Variants in PDE4D observed in about 807,000 individuals in gnomAD.
PDE4D encodes the protein phosphodiesterase 4D.
PDE4D carries 24 observed loss-of-function variants against 87.4 expected under a neutral mutation model. The observed-to-expected ratio is 0.27, with a 90% CI of 0.20 to 0.39. The LOEUF is 0.39. Ranked by LOEUF, PDE4D falls within the 10% of genes least tolerant of loss-of-function variation. The probability of loss-of-function intolerance (pLI) is 1.00; values close to 1 mark genes in which losing one functional copy is unlikely to be tolerated. For synonymous variants in PDE4D, 384 were observed against 383.2 expected (o/e 1.00, Z -0.02); for missense variants, 714 against 1,041.0 (o/e 0.69, Z 4.32).
chr5:59,969,785 G>A (rs1760494269), intron 3 of PDE4D, among the ~76,000 whole-genome samples: 1 of 152,150 alleles, frequency 6.6e-6, no homozygotes, highest in Admixed American at 6.6e-5. Flanking sequence ...ACGTGAAGAA[G>A]GGTTTGCTTC....
intron 1 of PDE4D, among the ~76,000 whole-genome samples, chr5:59,751,932 T>C (rs1760542555): frequency 6.6e-6 from 1 of 152,062 alleles, no homozygotes; most frequent in African/African-American, 2.4e-5. Flanking sequence ...GAATATTCAA[T>C]GAGATCATCT....
chr5:60,059,251 T>A (rs1161669254), intron 2 of PDE4D, among the ~76,000 whole-genome samples: 1 of 151,958 alleles, frequency 6.6e-6, no homozygotes, highest in African/African-American at 2.4e-5. Flanking sequence ...CACTTCCCAG[T>A]TTCTTGCATT....
intron 1 of PDE4D, among the ~76,000 whole-genome samples, chr5:59,657,463 A>G (rs1298285277): frequency 1.3e-5 from 2 of 152,160 alleles, no homozygotes; most frequent in Non-Finnish European, 2.9e-5. Flanking sequence ...AAATGAATCT[A>G]AATCACTGAA....
intron 5 of PDE4D, among the ~76,000 whole-genome samples, chr5:59,112,971 T>G (rs1236362668): frequency 6.6e-6 from 1 of 152,062 alleles, no homozygotes; most frequent in East Asian, 1.9e-4. Context: ...TGGCTAATTT[T>G]TGTATTTTTA....
chr5:59,076,852 T>A (rs1765751396), intron 5 of PDE4D, among the ~76,000 whole-genome samples: 1 of 152,174 alleles, frequency 6.6e-6, no homozygotes, highest in Non-Finnish European at 1.5e-5. Flanking sequence ...TTCTCACTGC[T>A]ACATGGTCTT....
intron 5 of PDE4D, among the ~76,000 whole-genome samples, chr5:59,141,778 G>A (rs554198697): frequency 1.4e-4 from 22 of 152,318 alleles, no homozygotes; most frequent in Non-Finnish European, 2.5e-4. Flanking sequence ...GGTCAGACCC[G>A]TAACCCATTC....
rs374664418 is a variant in PDE4D, at chr5:59,282,502, G to A, written c.456-66534C>T. Among the ~76,000 whole-genome samples, 34 of 151,986 alleles carry A rather than the reference G, an allele frequency of 2.2e-4. No individual in the cohort carries two copies. In the South Asian group the frequency reaches 5.4e-3, roughly 24 times the overall value. On this transcript the variant is annotated intron_variant, in intron 1 of 14. Transcript: ENST00000340635. ...CTAAAAAAATACAAAACTTAGCTGG[G>A]TGTGGTGGCGAGCACCTGTAATCCC...
At position 59,651,071 on chromosome 5, in the gene PDE4D, T is replaced by C. The variant is rs1000531715; in HGVS notation, c.455+242097A>G. Among the ~76,000 whole-genome samples, 8 of 151,842 alleles carry C rather than the reference T, an allele frequency of 5.3e-5. No individual in the cohort carries two copies. In the East Asian group the frequency reaches 7.7e-4, roughly 15 times the overall value. Reference sequence around the variant, plus strand: ...GAGATCGAGACCATCCTGGCCAACATAGTGAAACCCCATCTCTACTAAAAA... The same window carrying C: ...GAGATCGAGACCATCCTGGCCAACACAGTGAAACCCCATCTCTACTAAAAA... On this transcript the variant is annotated intron_variant, in intron 1 of 14. Transcript: ENST00000340635.
At chr5:59,661,238 A>G (rs1041887237) in intron 1 of PDE4D, among the ~76,000 whole-genome samples, 2 of 152,100 alleles carry the variant, frequency 1.3e-5, no homozygotes, top group Non-Finnish European at 2.9e-5. Flanking sequence ...GATAAAAGGA[A>G]TTCTGCTCAC....
At chr5:59,318,833 G>A (rs1774200141) in intron 1 of PDE4D, among the ~76,000 whole-genome samples, 1 of 151,898 alleles carries the variant, frequency 6.6e-6, no homozygotes, top group Admixed American at 6.6e-5. Flanking sequence ...TGCACAAGAT[G>A]GCTGCTATGT....
intron 1 of PDE4D, among the ~76,000 whole-genome samples, chr5:59,507,683 AG>A (rs1275783684): frequency 6.7e-6 from 1 of 148,414 alleles, no homozygotes; most frequent in Non-Finnish European, 1.5e-5. Context: ...AAAAAAAAAA[AG>A]AAAAGAAAAG....
chr5:60,328,239 A>G (rs1756983146), intron 1 of PDE4D, among the ~76,000 whole-genome samples: 1 of 152,176 alleles, frequency 6.6e-6, no homozygotes, highest in South Asian at 2.1e-4. Flanking sequence ...TAGGTAAGTA[A>G]ATAATAATGT....
At chr5:59,487,791 C>T (rs1387211423) in intron 1 of PDE4D, among the ~76,000 whole-genome samples, 4 of 152,130 alleles carry the variant, frequency 2.6e-5, no homozygotes, top group Non-Finnish European at 4.4e-5. Context: ...GAGTTACAGA[C>T]GTTAGGAGGA....
intron 2 of PDE4D, chr5:60,021,823 A>C (rs952115828): frequency 2.6e-5 from 4 of 152,222 alleles, no homozygotes; most frequent in Non-Finnish European, 5.9e-5. Context: ...TTTCAAGTCC[A>C]TCCTCAAGAA....
intron 1 of PDE4D, among the ~76,000 whole-genome samples, chr5:60,338,714 A>G (rs928404371): frequency 1.3e-5 from 2 of 151,950 alleles, no homozygotes; most frequent in Non-Finnish European, 2.9e-5. Flanking sequence ...AAAGTGCAGG[A>G]GTGGGGATGC....
At chr5:60,474,150 A>ATATATATATATATG (rs1274940940) in intron 1 of PDE4D, among the ~76,000 whole-genome samples, 1 of 96,406 alleles carries the variant, frequency 1.0e-5, no homozygotes, top group Non-Finnish European at 1.8e-5. Context: ...ATATATATAT[A>ATATATATATATATG]ACAAAAACCT....
intron 1 of PDE4D, among the ~76,000 whole-genome samples, chr5:59,319,160 A>ATGTG (rs59099367): frequency 0.016 from 2,219 of 139,762 alleles, 32 homozygotes; most frequent in African/African-American, 0.036. Context: ...GTACATATAT[A>ATGTG]TGTGTGTGTG....
chr5:60,152,118 C>A (rs147194363), intron 2 of PDE4D, among the ~76,000 whole-genome samples: 1 of 152,218 alleles, frequency 6.6e-6, no homozygotes, highest in African/African-American at 2.4e-5. Context: ...AGTATATCAT[C>A]CTTTTAGTAT....
intron 1 of PDE4D, among the ~76,000 whole-genome samples, chr5:60,284,756 C>T (rs940659695): frequency 6.6e-6 from 1 of 151,974 alleles, no homozygotes; most frequent in Non-Finnish European, 1.5e-5. Flanking sequence ...TGTTAGAAGC[C>T]CTCTCATATG....
Sources: gnomAD v4.1 joint callset for allele counts (sites outside exome capture counted in the v4.1 genomes callset) on GRCh38, gnomAD v4.1.1 for gene constraint, MANE v1.5 for transcripts, NCBI Gene and HGNC (gene_info 2026-07-23, HGNC 2026-07-21) for gene names.